The following SIM2 variants were observed in gnomAD, a reference collection of about 807,000 sequenced individuals.
SIM2 encodes SIM bHLH transcription factor 2.
SIM2 carries 28 observed loss-of-function variants against 64.8 expected under a neutral mutation model. That is an observed-to-expected ratio of 0.43 (90% confidence interval 0.32 to 0.59). SIM2 has a LOEUF of 0.59. Ranked by LOEUF, SIM2 falls within the 20% of genes least tolerant of loss-of-function variation. SIM2 has a pLI of 0.07. For missense variants in SIM2, 847 were observed against 871.4 expected (o/e 0.97, Z 0.35); for synonymous variants, 408 against 391.1 (o/e 1.04, Z -0.51).
rs964623453 is a variant in SIM2 at position 36,702,641 on chromosome 21, G to A, written c.175+2720G>A. Reference sequence around the variant, plus strand: ...CTTCCAGTAGCTCCAAAGAGTGGCAGTGGAGTGGCATCTTGATTGATTTAA... The same window carrying A: ...CTTCCAGTAGCTCCAAAGAGTGGCAATGGAGTGGCATCTTGATTGATTTAA... On this transcript the variant is annotated intron_variant, in intron 1 of 10. Coordinates refer to ENST00000290399, the MANE Select transcript of SIM2 (RefSeq NM_005069.6). 3.3e-5 allele frequency among the ~76,000 whole-genome samples: 5 copies of A among 152,206 alleles called. No individual in the cohort carries two copies. In the South Asian group the frequency reaches 8.3e-4, roughly 25 times the overall value.
At chr21:36,704,244 A>G (rs1330540006) in intron 1 of SIM2, among the ~76,000 whole-genome samples, 1 of 152,232 alleles carries the variant, frequency 6.6e-6, no homozygotes, top group Non-Finnish European at 1.5e-5. Context: ...GTTTCCCGGA[A>G]TCAAAGCGAC....
At chr21:36,724,586 G>A in intron 5 of SIM2, among the ~76,000 whole-genome samples, 1 of 152,172 alleles carries the variant, frequency 6.6e-6, no homozygotes, top group South Asian at 2.1e-4. Flanking sequence ...GATGGGACTT[G>A]GGTCTTGACT....
At chr21:36,729,055 C>A (rs1404475675) in intron 6 of SIM2, among the ~76,000 whole-genome samples, 1 of 152,176 alleles carries the variant, frequency 6.6e-6, no homozygotes, top group East Asian at 1.9e-4. Flanking sequence ...TTGGAAAAAA[C>A]CGGGAGGGCA....
chr21:36,708,767 TG>T (rs759838650), intron 1 of SIM2, among the ~76,000 whole-genome samples: 60 of 152,086 alleles, frequency 3.9e-4, no homozygotes, highest in Non-Finnish European at 7.6e-4. Context: ...GGAGGGTCCT[TG>T]GGGGAATATT....
chr21:36,700,655 A>G (rs1241087422), intron 1 of SIM2, among the ~76,000 whole-genome samples: 2 of 152,178 alleles, frequency 1.3e-5, no homozygotes, highest in African/African-American at 2.4e-5. Flanking sequence ...GTGAGGCCCA[A>G]GCACTGCAGG....
intron 5 of SIM2, among the ~76,000 whole-genome samples, chr21:36,724,697 G>T (rs1474812039): frequency 6.6e-6 from 1 of 152,210 alleles, no homozygotes; most frequent in Admixed American, 6.5e-5. Flanking sequence ...GAATAGACTG[G>T]AAGGATTTTA....
intron 3 of SIM2, 118 bp downstream of exon 3, chr21:36,712,740 AT>A: frequency 1.5e-6 from 1 of 654,104 alleles, no homozygotes; most frequent in Non-Finnish European, 2.7e-6. Context: ...GTGTAAGAAC[AT>A]AACCCTAAAT....
In SIM2 at chr21:36,743,437, C is replaced by T. The variant is rs1359721146; in HGVS notation, c.1049C>T (p.Ala350Val). ...LQLSLEQVST[A>V]KSQDSWRTAL... ...CTGTCCCTGGAGCAGGTGTCCACTG[C>T]CAAGTCCCAGGACTCCTGGAGGACC... Residue 350 changes from alanine to valine, a missense_variant, in exon 9 of 11, where the codon GCC (alanine) becomes GTC (valine). By Grantham distance (64) the Ala-to-Val change is moderately conservative (BLOSUM62 0). Around this residue, in one of 3 missense-constraint regions of SIM2, gnomAD observed 447 missense variants for 414.6 expected, o/e 1.08. Transcript: ENST00000290399. The T allele has an allele frequency of 1.2e-6, 2 of 1,613,958 alleles. No individual in the cohort carries two copies. Among genetic ancestry groups the T allele is most frequent in the Non-Finnish European group, 1.7e-6 (2 of 1,179,970 alleles).
chr21:36,715,231 C>T (rs1042793008), intron 3 of SIM2, among the ~76,000 whole-genome samples: 1 of 152,018 alleles, frequency 6.6e-6, no homozygotes, highest in African/African-American at 2.4e-5. Flanking sequence ...CAAATCTTCC[C>T]CCTGTTCATG....
chr21:36,745,839 G>T lies in SIM2; in HGVS notation c.1576+703G>T, dbSNP rs965477163. The T allele has an allele frequency of 2.3e-6, 3 of 1,303,852 alleles. No homozygotes were observed. The highest frequency in any genetic ancestry group is 3.0e-6 in the Non-Finnish European group (3 of 988,688). 80.8% of individuals were successfully genotyped at this position (1,303,852 alleles called of 1,614,324 possible). ...GGAGATACCGCCAGCTCCCCAGGAC[G>T]CAGACTGACTCCTGTTTGCTCGCTG... On this transcript the variant is annotated intron_variant, in intron 10 of 10. Coordinates refer to ENST00000290399, the MANE Select transcript of SIM2 (RefSeq NM_005069.6). This position sits in a 1 kb window ranked among gnomAD's most constrained non-coding sequence, Gnocchi z 4.8.
chr21:36,707,704 C>A (rs963960233), intron 1 of SIM2, among the ~76,000 whole-genome samples: 1 of 151,990 alleles, frequency 6.6e-6, no homozygotes, highest in Non-Finnish European at 1.5e-5. Context: ...CTCCAGAGAC[C>A]GCGATGCCCA....
intron 7 of SIM2, among the ~76,000 whole-genome samples, chr21:36,735,107 A>C (rs1298528467): frequency 6.6e-6 from 1 of 152,184 alleles, no homozygotes; most frequent in Non-Finnish European, 1.5e-5. Flanking sequence ...CAGTGTCATC[A>C]AGCAGAGGGG....
chr21:36,731,621 C>T (rs1452843991), intron 7 of SIM2, among the ~76,000 whole-genome samples: 12 of 152,166 alleles, frequency 7.9e-5, no homozygotes, highest in African/African-American at 2.9e-4. Flanking sequence ...CGCTTGCCCA[C>T]CTTCATACAG....
At chr21:36,739,882 G>T (rs2089131737) in intron 7 of SIM2, among the ~76,000 whole-genome samples, 1 of 136,748 alleles carries the variant, frequency 7.3e-6, no homozygotes, top group Admixed American at 7.3e-5. Flanking sequence ...GGCTGAGGCA[G>T]GAGAATTGCT....
At position 36,701,905 on chromosome 21, in the gene SIM2, T is replaced by C. The variant is rs74408694; in HGVS notation, c.175+1984T>C. Reference sequence around the variant, plus strand: ...GGACGAGAGGGCACTCACTGCCTTCTGCCCCCTTTGGAAATAGAAAAAGCC... The same window carrying C: ...GGACGAGAGGGCACTCACTGCCTTCCGCCCCCTTTGGAAATAGAAAAAGCC... On this transcript the variant is annotated intron_variant, in intron 1 of 10. Transcript: ENST00000290399. 2.9e-3 allele frequency among the ~76,000 whole-genome samples: 442 copies of C among 152,342 alleles called. 1 individual carries two copies. In the East Asian group the frequency reaches 0.053, roughly 18 times the overall value.
chr21:36,703,869 C>T (rs939422287), intron 1 of SIM2, among the ~76,000 whole-genome samples: 29 of 152,224 alleles, frequency 1.9e-4, no homozygotes, highest in Admixed American at 9.2e-4. Context: ...GGCAGCAGGA[C>T]GCAGGTCGGC....
intron 3 of SIM2, among the ~76,000 whole-genome samples, chr21:36,715,006 C>T (rs1391500762): frequency 1.3e-5 from 2 of 152,188 alleles, no homozygotes; most frequent in Non-Finnish European, 2.9e-5. Context: ...GAGATACATA[C>T]ATTGTCTCTT....
At chr21:36,724,154 C>G (rs2088860245) in intron 5 of SIM2, among the ~76,000 whole-genome samples, 1 of 152,280 alleles carries the variant, frequency 6.6e-6, no homozygotes, top group South Asian at 2.1e-4. Context: ...CTGAGCTCCT[C>G]CTTTGACCTA....
At chr21:36,710,832 T>TG (rs1375364322) in intron 2 of SIM2, among the ~76,000 whole-genome samples, 4 of 152,228 alleles carry the variant, frequency 2.6e-5, no homozygotes, top group African/African-American at 9.6e-5. Context: ...AATGGCGCTC[T>TG]GGGAGCCCTG....
Sources: allele counts gnomAD v4.1 joint callset (sites outside exome capture counted in the v4.1 genomes callset), GRCh38; gene constraint gnomAD v4.1.1; regional missense constraint gnomAD v4.1.1; non-coding constraint Gnocchi (gnomAD v3.1); transcripts MANE v1.5; gene names NCBI Gene and HGNC (gene_info 2026-07-23, HGNC 2026-07-21).